SMARCA4: variants seen among roughly 807,000 people sequenced by gnomAD.
The protein encoded by SMARCA4 is SWI/SNF related BAF chromatin remodeling complex subunit ATPase 4.
A neutral mutation model predicts 193.9 loss-of-function variants in SMARCA4; 31 were observed. The observed-to-expected ratio is 0.16, with a 90% CI of 0.12 to 0.22. SMARCA4 has a LOEUF of 0.22. Among genes scored for constraint, SMARCA4 ranks in the 10% least tolerant of loss-of-function variants. The probability of loss-of-function intolerance (pLI) is 1.00; values close to 1 mark genes in which losing one functional copy is unlikely to be tolerated. For synonymous variants in SMARCA4, 942 were observed against 933.1 expected, an observed-to-expected ratio of 1.01 and a Z score of -0.17; for missense variants, 1,148 against 2,296.0, an observed-to-expected ratio of 0.50 and a Z score of 10.22.
chr19:11,026,385 C>T (rs2146518591), intron 23 of SMARCA4, 39 bp downstream of exon 23: 1 of 1,555,640 alleles, frequency 6.4e-7, no homozygotes, highest in Non-Finnish European at 8.9e-7. Flanking sequence ...GGCAGGTGGT[C>T]CACCCAGAGG....
In SMARCA4 at chr19:11,056,904, C is replaced by T. The variant is rs566715554; in HGVS notation, c.4425-1351C>T. 3.7e-4 allele frequency among the ~76,000 whole-genome samples: 56 copies of T among 152,326 alleles called. 2 individuals carry two copies. In the South Asian group the frequency reaches 0.011, roughly 30 times the overall value. On this transcript the variant is annotated intron_variant, in intron 30 of 34. Transcript: ENST00000344626. ...CCATGTTGTCGCTGCCATTTTCCAG[C>T]GTGGTAAACAGAAGCAAGACAAGGC...
rs947095831 is a variant in SMARCA4, at chr19:11,041,262, G to A, written c.4171-45G>A. 1.9e-6 allele frequency: 3 copies of A among 1,570,600 alleles called. No homozygotes were observed. The highest frequency in any genetic ancestry group is 2.3e-5 in the South Asian group (2 of 88,844). On this transcript the variant is annotated intron_variant, in intron 29 of 34. Coordinates refer to ENST00000344626, the MANE Select transcript of SMARCA4 (RefSeq NM_003072.5). This position sits in a 1 kb window ranked among gnomAD's most constrained non-coding sequence, Gnocchi z 5.6. ...GATTGCGTCGCGGCCTCTGCTTGTC[G>A]ACCTGGGTGCTGGCTGTCCTATTTT...
chr19:11,044,667 T>C (rs2075800359), intron 30 of SMARCA4, among the ~76,000 whole-genome samples: 1 of 152,220 alleles, frequency 6.6e-6, no homozygotes. Context: ...CCTCACACCC[T>C]GCGTGTAGGA....
chr19:11,051,549 A>G lies in SMARCA4; in HGVS notation c.4425-6706A>G, dbSNP rs2076260788. ...CTCTGTCGCCAGGCTGGAGTGCAGT[A>G]GCCTGATCTCAGCTCACTGCAAATT... On this transcript the variant is annotated intron_variant, in intron 30 of 34. Coordinates refer to ENST00000344626, the MANE Select transcript of SMARCA4 (RefSeq NM_003072.5). Among the ~76,000 whole-genome samples the G allele has an allele frequency of 2.7e-5, 4 of 145,732 alleles. No individual in the cohort carries two copies. The South Asian group carries it at 8.5e-4, about 31-fold the overall frequency.
chr19:10,994,687 C>T, intron 8 of SMARCA4, 141 bp from the exon 9 acceptor site: 1 of 732,288 alleles, frequency 1.4e-6, no homozygotes, highest in East Asian at 2.6e-5. Flanking sequence ...TCTCGATCTC[C>T]TGACCTCGTG....
intron 1 of SMARCA4, among the ~76,000 whole-genome samples, chr19:10,969,016 T>TATTCCTTTTGGTCATACAG (rs2084463816): frequency 6.6e-6 from 1 of 152,210 alleles, no homozygotes; most frequent in Admixed American, 6.5e-5. Context: ...GTTCTCATCC[T>TATTCCTTTTGGTCATACAG]ATTCCTTTTG....
intron 23 of SMARCA4, 35 bp from the exon 24 acceptor site, chr19:11,027,749 C>T (rs2146539455): frequency 6.2e-7 from 1 of 1,613,008 alleles, no homozygotes; most frequent in East Asian, 2.2e-5. Context: ...GGTTTAACAT[C>T]CTGCGCCTTC....
Position 11,058,463 on chromosome 19 carries a change from A to G in SMARCA4, c.4533+100A>G, listed in dbSNP as rs759598503. On this transcript the variant is annotated intron_variant, in intron 31 of 34. Transcript: ENST00000344626. The surrounding 1 kb of genome is among the most constrained non-coding windows in gnomAD (Gnocchi z 5.8). The stretch of plus-strand genomic sequence containing the variant: ...GCTGTGGTGTGTGGGCAGAATGACC[A>G]GAAACCACCTAGGCGGTGCCTTGGG... 1 of 872,204 alleles carries G rather than the reference A, an allele frequency of 1.1e-6. No homozygotes were observed. The highest frequency in any genetic ancestry group is 1.9e-6 in the Non-Finnish European group (1 of 529,512). The allele number at this position is 872,204 out of a possible 1,614,324, so 54.0% of individuals were successfully genotyped here.
In SMARCA4 at chr19:10,985,871, GC is replaced by G. The variant is rs1345036770; in HGVS notation, c.356-316del. Among the ~76,000 whole-genome samples, 4 of 152,188 alleles carry G rather than the reference GC, an allele frequency of 2.6e-5. No homozygotes were observed. ...CTGGGAATGGAAGTGTTGGGGGTGG[GC>G]CTGGCGAGCCCGAGGATGTGGACCC... On this transcript the variant is annotated intron_variant, in intron 3 of 34. Transcript: ENST00000344626. This position sits in a 1 kb window ranked among gnomAD's most constrained non-coding sequence, Gnocchi z 4.5.
intron 30 of SMARCA4, among the ~76,000 whole-genome samples, chr19:11,047,171 G>C (rs1157459728): frequency 1.3e-5 from 2 of 152,076 alleles, no homozygotes; most frequent in Non-Finnish European, 2.9e-5. Flanking sequence ...AGCCCTAGCG[G>C]TTGTTACGCT....
intron 16 of SMARCA4, among the ~76,000 whole-genome samples, chr19:11,013,472 A>G (rs972268059): frequency 1.3e-5 from 2 of 152,156 alleles, no homozygotes; most frequent in African/African-American, 4.8e-5. Flanking sequence ...CTCCAGGTAC[A>G]GTCGCATCCT....
chr19:11,026,997 A>G (rs1278683032), intron 23 of SMARCA4, among the ~76,000 whole-genome samples: 3 of 152,182 alleles, frequency 2.0e-5, no homozygotes, highest in African/African-American at 4.8e-5. Context: ...GGTGTTTTCT[A>G]TAGCACCCTT....
Position 11,031,049 on chromosome 19 carries a change from A to AG in SMARCA4, c.3546+159dup. On this transcript the variant is annotated intron_variant, in intron 25 of 34. Transcript: ENST00000344626. This position sits in a 1 kb window ranked among gnomAD's most constrained non-coding sequence, Gnocchi z 4.3. Reference sequence around the variant, plus strand: ...TGCACCCATATCTCCATAGGTCATCAGGGAGAAAAGAGGCGGGGTCCTCCT... The same window carrying AG: ...TGCACCCATATCTCCATAGGTCATCAGGGGAGAAAAGAGGCGGGGTCCTCCT... 1.4e-6 allele frequency: 1 copy of AG among 718,702 alleles called. No homozygotes were observed. The highest frequency in any genetic ancestry group is 2.7e-5 in the East Asian group (1 of 36,820). 44.5% of individuals were successfully genotyped at this position (718,702 alleles called of 1,614,324 possible). A position where few individuals can be genotyped will look rare whatever the true frequency, so the allele number is the denominator to read the frequency against.
At chr19:11,025,959 T>C (rs2090225282) in intron 22 of SMARCA4, among the ~76,000 whole-genome samples, 1 of 152,160 alleles carries the variant, frequency 6.6e-6, no homozygotes, top group Admixed American at 6.5e-5. Context: ...TGGTGTAAAG[T>C]GTCAGGGTCG....
chr19:11,009,121 G>A (rs1052282819), intron 14 of SMARCA4, among the ~76,000 whole-genome samples: 1 of 137,186 alleles, frequency 7.3e-6, no homozygotes, highest in South Asian at 2.3e-4. Flanking sequence ...TCCTGGGTTC[G>A]AGTGATTCTC....
At chr19:10,991,389 G>A in intron 8 of SMARCA4, 66 bp downstream of exon 8, 1 of 1,548,590 alleles carries the variant, frequency 6.5e-7, no homozygotes, top group South Asian at 1.2e-5. Context: ...TCCAGCGGTT[G>A]CCACGGGGCT....
chr19:11,034,420 T>A lies in SMARCA4; in HGVS notation c.3951+220T>A, dbSNP rs1418709106. Among the ~76,000 whole-genome samples, 1 of 152,182 alleles carries A rather than the reference T, an allele frequency of 6.6e-6. No homozygotes were observed. Among genetic ancestry groups the A allele is most frequent in the East Asian group, 1.9e-4 (1 of 5,190 alleles). On this transcript the variant is annotated intron_variant, in intron 28 of 34. Coordinates refer to ENST00000344626, the MANE Select transcript of SMARCA4 (RefSeq NM_003072.5). This position sits in a 1 kb window ranked among gnomAD's most constrained non-coding sequence, Gnocchi z 7.0. ...CGAGATGCACACCCAGCCTTCTGCA[T>A]GTGACCCGAGACCTGCCCCACCAGC...
At chr19:11,060,530 A>C in intron 34 of SMARCA4, 1 of 449,086 alleles carries the variant, frequency 2.2e-6, no homozygotes, top group East Asian at 4.4e-5. Flanking sequence ...GTTGGGTAGG[A>C]GGTGCTAGGA....
chr19:10,970,174 A>C (rs1448261182), intron 1 of SMARCA4, among the ~76,000 whole-genome samples: 1 of 152,122 alleles, frequency 6.6e-6, no homozygotes, highest in Admixed American at 6.6e-5. Flanking sequence ...AAGTGCTTAG[A>C]GGGTGGCATG....
Sources: gnomAD v4.1 joint callset for allele counts (sites outside exome capture counted in the v4.1 genomes callset) on GRCh38, gnomAD v4.1.1 for gene constraint, Gnocchi (gnomAD v3.1) non-coding constraint, MANE v1.5 for transcripts, NCBI Gene and HGNC (gene_info 2026-07-23, HGNC 2026-07-21) for gene names.